Variants in IQCM observed in about 807,000 individuals in gnomAD.
IQCM encodes IQ domain-containing protein M.
Under a neutral mutation model 57.6 loss-of-function variants are expected in IQCM, and 45 were observed. The observed-to-expected ratio is 0.78, with a 90% CI of 0.62 to 1.00. The LOEUF (loss-of-function observed/expected upper bound fraction) is 1.00, where lower values mean the gene tolerates loss of function less well. Ranked by LOEUF, IQCM falls within the 50% of genes least tolerant of loss-of-function variation. IQCM has a pLI of 0.00. For missense variants in IQCM, 468 were observed against 511.6 expected (o/e 0.91, Z 0.82); for synonymous variants, 148 against 158.9 (o/e 0.93, Z 0.51).
At chr4:149,613,929 A>C (rs535863783) in intron 8 of IQCM, among the ~76,000 whole-genome samples, 1 of 152,256 alleles carries the variant, frequency 6.6e-6, no homozygotes, top group African/African-American at 2.4e-5. Context: ...ATAGCATTCC[A>C]TGGTGTATAT....
At chr4:149,401,965 G>A (rs1238684140) in intron 13 of IQCM, among the ~76,000 whole-genome samples, 1 of 151,688 alleles carries the variant, frequency 6.6e-6, no homozygotes, top group Non-Finnish European at 1.5e-5. Context: ...GGATGATGTG[G>A]AAATAGAACT....
At chr4:149,572,030 T>C (rs1390250387) in intron 9 of IQCM, among the ~76,000 whole-genome samples, 2 of 152,032 alleles carry the variant, frequency 1.3e-5, no homozygotes, top group Admixed American at 6.6e-5. Flanking sequence ...CTCCCCTTCT[T>C]TATATAAGTT....
At chr4:149,514,608 T>C (rs983033289) in intron 12 of IQCM, 2 of 152,290 alleles carry the variant, frequency 1.3e-5, no homozygotes, top group Admixed American at 6.5e-5. Context: ...AGGCTGGGCA[T>C]AGCTGGGCAG....
At chr4:149,682,712 C>T (rs981975017) in intron 6 of IQCM, among the ~76,000 whole-genome samples, 2 of 151,096 alleles carry the variant, frequency 1.3e-5, no homozygotes, top group African/African-American at 4.8e-5. Context: ...TCCTATAGGC[C>T]AGCATTTAGG....
At chr4:149,638,811 A>G (rs1411145160) in intron 7 of IQCM, among the ~76,000 whole-genome samples, 3 of 152,178 alleles carry the variant, frequency 2.0e-5, no homozygotes, top group Non-Finnish European at 4.4e-5. Context: ...ATACACCAAG[A>G]AGGAGAGCAG....
intron 12 of IQCM, among the ~76,000 whole-genome samples, chr4:149,445,706 C>T (rs1205755967): frequency 3.3e-5 from 5 of 151,846 alleles, no homozygotes; most frequent in African/African-American, 4.8e-5. Context: ...CCTTTCATAA[C>T]GGCTAACAGC....
intron 7 of IQCM, among the ~76,000 whole-genome samples, chr4:149,681,864 A>T (rs1762205042): frequency 6.6e-6 from 1 of 151,154 alleles, no homozygotes; most frequent in Admixed American, 6.6e-5. Context: ...TAAAATTACA[A>T]ATTTTGTCTT....
intron 2 of IQCM, among the ~76,000 whole-genome samples, chr4:149,763,036 C>G (rs1234210191): frequency 6.6e-6 from 1 of 152,024 alleles, no homozygotes; most frequent in Non-Finnish European, 1.5e-5. Context: ...AAGTTAAATT[C>G]AAAAGGCTAT....
intron 13 of IQCM, among the ~76,000 whole-genome samples, chr4:149,382,837 C>T (rs991123000): frequency 2.3e-4 from 35 of 152,024 alleles, no homozygotes; most frequent in African/African-American, 8.0e-4. Context: ...GCAGAATCAC[C>T]CTGAGGCTCT....
At chr4:149,812,214 C>T (rs1332858900) in intron 2 of IQCM, among the ~76,000 whole-genome samples, 1 of 152,086 alleles carries the variant, frequency 6.6e-6, no homozygotes, top group Non-Finnish European at 1.5e-5. Flanking sequence ...TAATTTGGAG[C>T]CATATTCCTA....
At chr4:149,384,634 C>A (rs898586245) in intron 13 of IQCM, among the ~76,000 whole-genome samples, 1 of 152,036 alleles carries the variant, frequency 6.6e-6, no homozygotes, top group African/African-American at 2.4e-5. Flanking sequence ...TTTATAAGCC[C>A]CTGGGTCTAA....
intron 13 of IQCM, among the ~76,000 whole-genome samples, chr4:149,392,024 T>C (rs1379286959): frequency 6.6e-6 from 1 of 151,970 alleles, no homozygotes; most frequent in Non-Finnish European, 1.5e-5. Context: ...TCTATTTCCT[T>C]GTTGATCTTC....
intron 13 of IQCM, among the ~76,000 whole-genome samples, chr4:149,398,434 G>A (rs948214104): frequency 1.3e-5 from 2 of 151,876 alleles, no homozygotes; most frequent in African/African-American, 4.8e-5. Context: ...CATTGAATCC[G>A]TAGGTCACTT....
chr4:149,713,879 G>T (rs1764769779), intron 5 of IQCM, among the ~76,000 whole-genome samples: 2 of 151,852 alleles, frequency 1.3e-5, no homozygotes, highest in East Asian at 1.9e-4. Context: ...CCTCCTAATT[G>T]TTTCTATCAG....
intron 13 of IQCM, among the ~76,000 whole-genome samples, chr4:149,403,513 G>A (rs1732765174): frequency 6.6e-6 from 1 of 151,856 alleles, no homozygotes; most frequent in Admixed American, 6.6e-5. Context: ...CTATGGGCCT[G>A]AACTGGCAGA....
At chr4:149,416,711 G>A (rs1733774435) in intron 13 of IQCM, among the ~76,000 whole-genome samples, 2 of 152,046 alleles carry the variant, frequency 1.3e-5, no homozygotes, top group Admixed American at 1.3e-4. Flanking sequence ...GATTAGAGGA[G>A]ATTTCAGGCA....
intron 13 of IQCM, among the ~76,000 whole-genome samples, chr4:149,422,685 G>T (rs903325976): frequency 5.3e-5 from 8 of 151,894 alleles, no homozygotes; most frequent in Non-Finnish European, 1.2e-4. Flanking sequence ...AATCCTCAAA[G>T]CAGTTAAAAT....
chr4:149,400,636 A>G (rs1206505038), intron 13 of IQCM, among the ~76,000 whole-genome samples: 1 of 152,040 alleles, frequency 6.6e-6, no homozygotes, highest in East Asian at 1.9e-4. Flanking sequence ...GGTTAATACC[A>G]CCAGCCCTTC....
At chr4:149,368,348 A>G (rs924727091) in intron 13 of IQCM, among the ~76,000 whole-genome samples, 8 of 152,048 alleles carry the variant, frequency 5.3e-5, no homozygotes, top group African/African-American at 1.7e-4. Context: ...TAGAATTATT[A>G]ATATGGTATC....
Sources: gnomAD v4.1 joint callset for allele counts (sites outside exome capture counted in the v4.1 genomes callset) on GRCh38, gnomAD v4.1.1 for gene constraint, MANE v1.5 for transcripts, NCBI Gene and HGNC (gene_info 2026-07-23, HGNC 2026-07-21) for gene names.